The following OS9 variants were observed in gnomAD, a reference collection of about 807,000 sequenced individuals.
OS9 encodes the protein protein OS-9.
A neutral mutation model predicts 84.7 loss-of-function variants in OS9; 58 were observed. The observed-to-expected ratio is 0.68, with a 90% confidence interval of 0.55 to 0.85. The LOEUF is 0.85. Among genes scored for constraint, OS9 ranks in the 40% least tolerant of loss-of-function variants. The pLI is 0.00. For synonymous variants in OS9, 278 were observed against 320.8 expected (o/e 0.87, Z 1.43); for missense variants, 760 against 850.9 (o/e 0.89, Z 1.33).
rs1187740162 is a variant in OS9, at chr12:57,716,374, C to T, written c.893-38C>T. 12 of 1,495,298 alleles carry T rather than the reference C, an allele frequency of 8.0e-6. No homozygotes were observed. The Admixed American group carries it at 2.4e-4, about 29-fold the overall frequency. The allele number at this position is 1,495,298 out of a possible 1,614,324, so 92.6% of individuals were successfully genotyped here. On this transcript the variant is annotated intron_variant, in intron 7 of 14. Transcript: ENST00000315970. ...ATTTGCTCCCTTCTGTCTCACCCCT[C>T]CTGTCAGATCAGTCTCTCCCTGTTC... is the stretch of plus-strand genomic sequence containing the variant.
In OS9 at chr12:57,696,006, T is replaced by A. The variant is rs765861038; in HGVS notation, c.448T>A (p.Ser150Thr). ...AGTCCTCTATCTCGGCTACTACCAA[T>A]CAGCCTTCGACTGGGATGATGAAAC... The part of the protein sequence containing the change: ...GEVLYLGYYQ[S>T]AFDWDDETAK... Residue 150 changes from serine to threonine, a missense_variant, in exon 4 of 15, where the codon TCA (serine) becomes ACA (threonine). Coordinates refer to ENST00000315970, the MANE Select transcript of OS9 (RefSeq NM_006812.4). The A allele has an allele frequency of 6.2e-7, 1 of 1,613,566 alleles. No individual in the cohort carries two copies. The highest frequency in any genetic ancestry group is 8.5e-7 in the Non-Finnish European group (1 of 1,179,628).
In OS9 at chr12:57,698,287, G is replaced by A. The variant is rs960336336; in HGVS notation, c.579+1914G>A. ...CTTAATAATACAAGCATCCACACACGTATATAATCCGTTATAGCACTTCAT... is the reference window on the plus strand; with the variant it reads ...CTTAATAATACAAGCATCCACACACATATATAATCCGTTATAGCACTTCAT... On this transcript the variant is annotated intron_variant, in intron 5 of 14. Coordinates refer to ENST00000315970, the MANE Select transcript of OS9 (RefSeq NM_006812.4). 1.7e-4 allele frequency among the ~76,000 whole-genome samples: 24 copies of A among 142,678 alleles called. 1 individual carries two copies. In the Middle Eastern group the frequency reaches 0.011, roughly 66 times the overall value. The allele number at this position is 142,678 out of a possible 152,430, so 93.6% of individuals were successfully genotyped here. A position where few individuals can be genotyped will look rare whatever the true frequency, so the allele number is the denominator to read the frequency against.
chr12:57,710,470 T>G, intron 5 of OS9, among the ~76,000 whole-genome samples: 1 of 152,156 alleles, frequency 6.6e-6, no homozygotes, highest in East Asian at 1.9e-4. Flanking sequence ...AGCTTCTCTG[T>G]TGTATTTGTT....
intron 5 of OS9, among the ~76,000 whole-genome samples, chr12:57,714,043 G>C (rs959000287): frequency 2.0e-5 from 3 of 151,792 alleles, no homozygotes; most frequent in African/African-American, 7.3e-5. Context: ...GGAGGTTGAG[G>C]CTTCAGTGAG....
intron 2 of OS9, 59 bp downstream of exon 2, chr12:57,694,985 CT>C: frequency 1.4e-6 from 2 of 1,479,204 alleles, no homozygotes; most frequent in South Asian, 2.3e-5. Context: ...CATCCAAGAA[CT>C]GGAGTCCACT....
Position 57,720,975 on chromosome 12 carries a change from A to G in OS9, c.*66A>G. On this transcript the variant is annotated 3_prime_UTR_variant, in exon 15 of 15. Coordinates refer to ENST00000315970, the MANE Select transcript of OS9 (RefSeq NM_006812.4). ...TCCTGGACTGGCTTGCCTCCTCCCC[A>G]CCTCCCCACCCTGGAACCCCTGAGG... The G allele has an allele frequency of 6.3e-7, 1 of 1,576,950 alleles. No homozygotes were observed.
chr12:57,696,378 G>A lies in OS9; in HGVS notation c.579+5G>A. 1 of 1,545,312 alleles carries A rather than the reference G, an allele frequency of 6.5e-7. No homozygotes were observed. Among genetic ancestry groups the A allele is most frequent in the Non-Finnish European group, 8.8e-7 (1 of 1,140,010 alleles). On this transcript the variant is annotated splice_donor_5th_base_variant and intron_variant, in intron 5 of 14. Transcript: ENST00000315970. ...CCCCGGGAGGCCGAGGTTCGGGTGAGTCTTGAGAGAGGGAAGTTGACACTC... is the reference window on the plus strand; with the variant it reads ...CCCCGGGAGGCCGAGGTTCGGGTGAATCTTGAGAGAGGGAAGTTGACACTC...
chr12:57,707,469 G>C (rs1954204173), intron 5 of OS9, among the ~76,000 whole-genome samples: 1 of 152,190 alleles, frequency 6.6e-6, no homozygotes, highest in Non-Finnish European at 1.5e-5. Flanking sequence ...AAAAGAGAGA[G>C]GGGGGACATG....
chr12:57,709,371 T>A (rs1362770837), intron 5 of OS9, among the ~76,000 whole-genome samples: 1 of 152,214 alleles, frequency 6.6e-6, no homozygotes, highest in Non-Finnish European at 1.5e-5. Flanking sequence ...TCCATTTTCA[T>A]TATGGTTTCT....
chr12:57,708,508 G>C (rs549483202), intron 5 of OS9, among the ~76,000 whole-genome samples: 1 of 151,738 alleles, frequency 6.6e-6, no homozygotes. Context: ...TGTGCCTGTG[G>C]TCCCAGCTGC....
At chr12:57,704,799 T>A (rs1209406515) in intron 5 of OS9, among the ~76,000 whole-genome samples, 2 of 152,230 alleles carry the variant, frequency 1.3e-5, no homozygotes, top group African/African-American at 4.8e-5. Flanking sequence ...TCTTTATACC[T>A]TATACATCTT....
At chr12:57,710,577 C>T (rs1052464553) in intron 5 of OS9, among the ~76,000 whole-genome samples, 1 of 152,158 alleles carries the variant, frequency 6.6e-6, no homozygotes, top group African/African-American at 2.4e-5. Flanking sequence ...ATGCCTAGCT[C>T]ATTCATTTTC....
Position 57,720,515 on chromosome 12 carries a change from C to A in OS9, c.1875C>A (p.Ile625=). The A allele has an allele frequency of 6.2e-7, 1 of 1,604,580 alleles. No homozygotes were observed. Among genetic ancestry groups the A allele is most frequent in the South Asian group, 1.1e-5 (1 of 90,924 alleles). ...ACCTCAAGGAGATCTTCTTCAATAT[C>A]TTGGTAAGAGGCTTCTACCCCCGAG... ...TRNLKEIFFN[I]LVPGAEEAQK... Residue 625 remains isoleucine, a synonymous_variant, in exon 14 of 15, where the codon ATC becomes ATA. Coordinates refer to ENST00000315970, the MANE Select transcript of OS9 (RefSeq NM_006812.4).
At chr12:57,706,846 G>GAAAA (rs11423380) in intron 5 of OS9, among the ~76,000 whole-genome samples, 3 of 41,722 alleles carry the variant, frequency 7.2e-5, no homozygotes, top group African/African-American at 9.4e-5. Flanking sequence ...ATGACTCTCT[G>GAAAA]AAAAAAAAAA....
At position 57,716,105 on chromosome 12, in the gene OS9, T is replaced by C; in HGVS notation, c.804T>C (p.Tyr268=). ...GTTTCTCAGTAGACTCAAAGCAGTA[T>C]GGAGATAAAATCATAGAGGAGCTGC... is the stretch of plus-strand genomic sequence containing the variant. ...YVQRQADSKQ[Y]GDKIIEELQD... Residue 268 remains tyrosine (Y), a synonymous_variant, in exon 7 of 15, where the codon TAT becomes TAC. Transcript: ENST00000315970. 7 of 1,613,100 alleles carry C rather than the reference T, an allele frequency of 4.3e-6. No homozygotes were observed. The highest frequency in any genetic ancestry group is 5.9e-6 in the Non-Finnish European group (7 of 1,179,258).
intron 5 of OS9, among the ~76,000 whole-genome samples, chr12:57,702,314 CAT>C (rs1434742651): frequency 2.0e-5 from 3 of 152,372 alleles, no homozygotes; most frequent in African/African-American, 7.2e-5. Context: ...AGGTACTTCA[CAT>C]GAGTGAAATC....
At chr12:57,716,334 A>G in intron 7 of OS9, 78 bp from the exon 8 acceptor site, 1 of 1,246,068 alleles carries the variant, frequency 8.0e-7, no homozygotes, top group Non-Finnish European at 1.1e-6. Flanking sequence ...AGAGGAGGGG[A>G]AGGGACCCCA....
rs1329071819 is a variant in OS9 at position 57,720,849 on chromosome 12, C to T, written c.1944C>T (p.Arg648=). The change falls in exon 15 of 15, where the codon CGC becomes CGT. Residue 648 remains arginine, a synonymous_variant. Coordinates refer to ENST00000315970, the MANE Select transcript of OS9 (RefSeq NM_006812.4). The stretch of plus-strand genomic sequence containing the variant: ...AGAAAGAGCTGGAGAGCAATTACCG[C>T]CGGGTGTGGGGCTCTCCAGGTGGGG... ...QRQKELESNY[R]RVWGSPGGEG... The T allele has an allele frequency of 6.2e-7, 1 of 1,613,918 alleles. No individual in the cohort carries two copies. The highest frequency in any genetic ancestry group is 8.5e-7 in the Non-Finnish European group (1 of 1,179,936).
chr12:57,695,855 C>A lies in OS9; in HGVS notation c.403+12C>A. On this transcript the variant is annotated intron_variant, in intron 3 of 14. Coordinates refer to ENST00000315970, the MANE Select transcript of OS9 (RefSeq NM_006812.4). Reference sequence around the variant, plus strand: ...ATACCACATGGAAGGTAACTCACTCCTATATTTTCCTTAAGCCCTTAGTGT... The same window carrying A: ...ATACCACATGGAAGGTAACTCACTCATATATTTTCCTTAAGCCCTTAGTGT... 1.2e-6 allele frequency: 2 copies of A among 1,603,334 alleles called. No homozygotes were observed. Among genetic ancestry groups the A allele is most frequent in the Middle Eastern group, 1.7e-4 (1 of 6,040 alleles).
Sources: gnomAD v4.1 joint callset for allele counts (sites outside exome capture counted in the v4.1 genomes callset) on GRCh38, gnomAD v4.1.1 for gene constraint, MANE v1.5 for transcripts, NCBI Gene and HGNC (gene_info 2026-07-23, HGNC 2026-07-21) for gene names.